Variants in ROR1 observed in about 807,000 individuals in gnomAD.
ROR1 encodes the protein ROR family WNT receptor 1, also known as inactive tyrosine-protein kinase transmembrane receptor ROR1.
A neutral mutation model predicts 78.8 loss-of-function variants in ROR1; 19 were observed. That is an observed-to-expected ratio of 0.24 (90% CI 0.17 to 0.35). The LOEUF (loss-of-function observed/expected upper bound fraction) is 0.35. ROR1 is among the 10% of genes least tolerant of loss of function. The probability of loss-of-function intolerance (pLI) is 1.00; values close to 1 mark genes in which losing one functional copy is unlikely to be tolerated. For synonymous variants in ROR1, 386 were observed against 433.6 expected (o/e 0.89, Z 1.36); for missense variants, 917 against 1,177.8 (o/e 0.78, Z 3.24).
At chr1:63,886,441 T>G (rs992564215) in intron 1 of ROR1, among the ~76,000 whole-genome samples, 4 of 152,134 alleles carry the variant, frequency 2.6e-5, no homozygotes, top group Non-Finnish European at 5.9e-5. Flanking sequence ...GTATTATGGA[T>G]ATTATACACA....
chr1:64,018,625 C>G (rs928652683), intron 2 of ROR1, among the ~76,000 whole-genome samples: 1 of 152,132 alleles, frequency 6.6e-6, no homozygotes, highest in Admixed American at 6.5e-5. Context: ...CATGTGTCTC[C>G]CATTCAAAGA....
intron 1 of ROR1, among the ~76,000 whole-genome samples, chr1:63,797,130 G>A (rs759921956): frequency 5.3e-5 from 8 of 152,168 alleles, no homozygotes; most frequent in Non-Finnish European, 1.0e-4. Flanking sequence ...GGAAGAGGGC[G>A]TAATAATTAA....
chr1:64,131,038 C>G (rs1040774422), intron 4 of ROR1, among the ~76,000 whole-genome samples: 1 of 152,162 alleles, frequency 6.6e-6, no homozygotes, highest in Non-Finnish European at 1.5e-5. Flanking sequence ...TTTGGGAAAG[C>G]ATTAGTAAGT....
intron 1 of ROR1, among the ~76,000 whole-genome samples, chr1:64,003,643 GT>G (rs1646405065): frequency 1.3e-5 from 2 of 152,154 alleles, no homozygotes; most frequent in African/African-American, 4.8e-5. Context: ...GACCCCAGAT[GT>G]GGGGCAATTG....
intron 1 of ROR1, among the ~76,000 whole-genome samples, chr1:63,971,105 A>AAT (rs1646116689): frequency 6.6e-6 from 1 of 152,116 alleles, no homozygotes; most frequent in African/African-American, 2.4e-5. Flanking sequence ...TCACATCCTT[A>AAT]TTTCCTAGAT....
At chr1:64,030,217 A>AG (rs1282409641) in intron 2 of ROR1, among the ~76,000 whole-genome samples, 2 of 152,152 alleles carry the variant, frequency 1.3e-5, no homozygotes, top group Non-Finnish European at 2.9e-5. Context: ...GGGTGGGTGT[A>AG]GGCTAGATAA....
intron 1 of ROR1, among the ~76,000 whole-genome samples, chr1:63,992,452 C>A (rs1255751381): frequency 1.3e-5 from 2 of 152,062 alleles, no homozygotes; most frequent in East Asian, 1.9e-4. Flanking sequence ...ATGATCCACC[C>A]GCCTTGGCCT....
chr1:64,012,500 G>A lies in ROR1; in HGVS notation c.163+3124G>A, dbSNP rs187137710. Among the ~76,000 whole-genome samples the A allele has an allele frequency of 2.0e-5, 3 of 152,242 alleles. No individual in the cohort carries two copies. In the East Asian group the frequency reaches 5.8e-4, roughly 29 times the overall value. On this transcript the variant is annotated intron_variant, in intron 2 of 8. Transcript: ENST00000371079. ...ACTGACAGCAGCAAACCTAAAACCA[G>A]CTCTTAAAAATGTCTCAACATCCTC...
intron 1 of ROR1, among the ~76,000 whole-genome samples, chr1:63,934,684 C>G (rs1569936921): frequency 6.6e-6 from 1 of 152,154 alleles, no homozygotes; most frequent in Non-Finnish European, 1.5e-5. Flanking sequence ...TTGGCTTTGT[C>G]AGGGTTTCCT....
chr1:63,938,338 G>A (rs1187656898), intron 1 of ROR1, among the ~76,000 whole-genome samples: 2 of 152,106 alleles, frequency 1.3e-5, no homozygotes. Context: ...TTATATCACG[G>A]TCTTGAGCAT....
At chr1:64,068,707 T>G (rs1646977538) in intron 4 of ROR1, among the ~76,000 whole-genome samples, 1 of 152,202 alleles carries the variant, frequency 6.6e-6, no homozygotes. Flanking sequence ...TTTTTTGACC[T>G]AATGGCTAGA....
At chr1:63,843,745 C>T in intron 1 of ROR1, 1 of 426,154 alleles carries the variant, frequency 2.3e-6, no homozygotes, top group South Asian at 2.0e-5. Flanking sequence ...AGCACTGCAG[C>T]CGCTGCTGGG....
chr1:63,940,498 C>CAGAT (rs71584420), intron 1 of ROR1, among the ~76,000 whole-genome samples: 13,867 of 74,950 alleles, frequency 0.19, 966 homozygotes, highest in African/African-American at 0.25. Context: ...GATAGACAGA[C>CAGAT]AGATAGATAG....
chr1:63,995,436 A>G (rs1314437492), intron 1 of ROR1, among the ~76,000 whole-genome samples: 1 of 152,190 alleles, frequency 6.6e-6, no homozygotes, highest in Non-Finnish European at 1.5e-5. Flanking sequence ...TCAGACTAAG[A>G]TGACTCTAAT....
At chr1:64,108,731 GA>G (rs1167345555) in intron 4 of ROR1, among the ~76,000 whole-genome samples, 3 of 152,120 alleles carry the variant, frequency 2.0e-5, no homozygotes. Flanking sequence ...GTCTAAAATG[GA>G]AAAGTCAGAG....
intron 1 of ROR1, among the ~76,000 whole-genome samples, chr1:63,970,584 A>C (rs549620743): frequency 6.6e-6 from 1 of 152,142 alleles, no homozygotes; most frequent in African/African-American, 2.4e-5. Context: ...CCTAAGATCA[A>C]CCGCACTTAA....
chr1:64,101,739 G>A (rs1354100396), intron 4 of ROR1, among the ~76,000 whole-genome samples: 1 of 152,136 alleles, frequency 6.6e-6, no homozygotes, highest in Non-Finnish European at 1.5e-5. Flanking sequence ...ATTAGAGGAG[G>A]CCTCTCCGAT....
intron 1 of ROR1, among the ~76,000 whole-genome samples, chr1:63,847,205 G>C (rs917776771): frequency 6.6e-6 from 1 of 152,118 alleles, no homozygotes; most frequent in South Asian, 2.1e-4. Context: ...TGGTGTTGTG[G>C]GTTTCTAGAG....
chr1:64,082,061 G>T (rs1647107508), intron 4 of ROR1, among the ~76,000 whole-genome samples: 1 of 152,154 alleles, frequency 6.6e-6, no homozygotes, highest in Non-Finnish European at 1.5e-5. Flanking sequence ...TGGGGCCAGA[G>T]ATAAAATTTT....
Sources: gnomAD v4.1 joint callset for allele counts (sites outside exome capture counted in the v4.1 genomes callset) on GRCh38, gnomAD v4.1.1 for gene constraint, MANE v1.5 for transcripts, NCBI Gene and HGNC (gene_info 2026-07-23, HGNC 2026-07-21) for gene names.